Variants in PRSS23 observed in about 807,000 individuals in gnomAD.
PRSS23 encodes the protein serine protease 23, also known as protease, serine 23.
Under a neutral mutation model 34.7 loss-of-function variants are expected in PRSS23, and 25 were observed. The ratio of observed to expected loss-of-function variants is 0.72; its 90% CI spans 0.53 to 1.01. PRSS23 has a LOEUF of 1.01. PRSS23 is among the 50% of genes least tolerant of loss of function. The probability of loss-of-function intolerance (pLI) is 0.00; values close to 1 mark genes in which losing one functional copy is unlikely to be tolerated. For missense variants in PRSS23, 445 were observed against 475.6 expected, an observed-to-expected ratio of 0.94 and a Z score of 0.60; for synonymous variants, 176 against 186.6, an observed-to-expected ratio of 0.94 and a Z score of 0.46.
At chr11:86,864,585 G>A (rs115006780) in intron 2 of PRSS23, among the ~76,000 whole-genome samples, 134 of 152,318 alleles carry the variant, frequency 8.8e-4, no homozygotes, top group African/African-American at 3.1e-3. Context: ...TCATCATCTG[G>A]CAATTAGCAA....
chr11:86,894,982 A>G (rs1049365553), intron 2 of PRSS23, among the ~76,000 whole-genome samples: 1 of 152,204 alleles, frequency 6.6e-6, no homozygotes, highest in East Asian at 1.9e-4. Flanking sequence ...AGCCAAAGAA[A>G]GGATCTAGTA....
At chr11:86,831,473 G>T (rs566470677) in intron 2 of PRSS23, among the ~76,000 whole-genome samples, 5 of 151,842 alleles carry the variant, frequency 3.3e-5, no homozygotes, top group Admixed American at 2.6e-4. Flanking sequence ...ATAGTTTTGG[G>T]GGATGTTACT....
chr11:86,879,933 G>A (rs1298065073), intron 2 of PRSS23, among the ~76,000 whole-genome samples: 7 of 149,682 alleles, frequency 4.7e-5, no homozygotes, highest in Non-Finnish European at 1.0e-4. Flanking sequence ...CCACCACCCC[G>A]TCTGGGAGGT....
At chr11:86,888,902 C>G (rs1028085576) in intron 2 of PRSS23, among the ~76,000 whole-genome samples, 2 of 152,160 alleles carry the variant, frequency 1.3e-5, no homozygotes, top group Non-Finnish European at 2.9e-5. Flanking sequence ...CAAGTTTGCC[C>G]CTGGGAACTT....
At chr11:86,823,187 T>A in intron 1 of PRSS23, 1 of 592,152 alleles carries the variant, frequency 1.7e-6, no homozygotes, top group Non-Finnish European at 3.0e-6. Flanking sequence ...GGATGATACA[T>A]ACAATTTATT....
At chr11:86,824,643 C>T in intron 2 of PRSS23, among the ~76,000 whole-genome samples, 1 of 118,852 alleles carries the variant, frequency 8.4e-6, no homozygotes, top group South Asian at 3.0e-4. Flanking sequence ...CCCCACCCCA[C>T]AACAGTCCCC....
intron 2 of PRSS23, among the ~76,000 whole-genome samples, chr11:86,879,305 C>T (rs111468194): frequency 0.049 from 7,180 of 147,320 alleles, 282 homozygotes; most frequent in Non-Finnish European, 0.072. Flanking sequence ...AGCGTCTCTG[C>T]CCAGCCGCCC....
At chr11:86,846,704 C>G (rs1337481109) in intron 2 of PRSS23, among the ~76,000 whole-genome samples, 1 of 152,194 alleles carries the variant, frequency 6.6e-6, no homozygotes, top group East Asian at 1.9e-4. Flanking sequence ...ATCTTGTAAG[C>G]AAGGTTATTC....
At chr11:86,865,223 C>G (rs1948641930) in intron 2 of PRSS23, among the ~76,000 whole-genome samples, 1 of 152,162 alleles carries the variant, frequency 6.6e-6, no homozygotes, top group African/African-American at 2.4e-5. Flanking sequence ...GGCTTTGGAG[C>G]CAGGCAAGTT....
Position 86,816,246 on chromosome 11 carries a change from C to A in PRSS23, c.-11-7131C>A, listed in dbSNP as rs1407093950. 3.3e-5 allele frequency among the ~76,000 whole-genome samples: 5 copies of A among 152,314 alleles called. No homozygotes were observed. In the East Asian group the frequency reaches 5.8e-4, roughly 18 times the overall value. ...ATTCAGTTATTCATTCAGCAAATGT[C>A]CTCAAGCCCACCTCGGTGCCAGTCA... On this transcript the variant is annotated intron_variant, in intron 1 of 2. Transcript: ENST00000533902.
At chr11:86,887,590 A>G (rs528534096) in intron 2 of PRSS23, among the ~76,000 whole-genome samples, 2 of 152,324 alleles carry the variant, frequency 1.3e-5, no homozygotes, top group Non-Finnish European at 1.5e-5. Flanking sequence ...CCTGATGCCC[A>G]CTGTGAAAGA....
chr11:86,920,481 A>T (rs1685078556), intron 2 of PRSS23, among the ~76,000 whole-genome samples: 1 of 152,258 alleles, frequency 6.6e-6, no homozygotes, highest in South Asian at 2.1e-4. Context: ...CTTATGGCAG[A>T]TAATGTGTAC....
At chr11:86,800,462 G>A, upstream of PRSS23, 1 of 983,954 alleles carries the variant, frequency 1.0e-6, no homozygotes, top group East Asian at 1.1e-4. Context: ...GCTTCCCCGA[G>A]GCCGGAGGCG....
exon 2 of PRSS23, chr11:86,823,478 A>G (rs1948269508): frequency 1.4e-6 from 1 of 702,510 alleles, no homozygotes; most frequent in Non-Finnish European, 2.6e-6. Context: ...TTCGAATTCA[A>G]TTCAACCACC....
At chr11:86,880,439 CAATAAAAAA>C (rs902718231) in intron 2 of PRSS23, among the ~76,000 whole-genome samples, 177 of 149,002 alleles carry the variant, frequency 1.2e-3, no homozygotes, top group Middle Eastern at 3.4e-3. Flanking sequence ...CAAGAATGAT[CAATAAAAAA>C]AATAAAAAAA....
At position 86,835,468 on chromosome 11, in the gene PRSS23, T is replaced by G. The variant is rs186820192; in HGVS notation, c.206+11875T>G. The stretch of plus-strand genomic sequence containing the variant: ...CGTTGGCAAGCTTAACACTGGGGCT[T>G]GGGTTAGGGCCCTCTTTAGGGCCTG... On this transcript the variant is annotated intron_variant, in intron 2 of 2. Coordinates refer to the PRSS23 transcript ENST00000533902. Among the ~76,000 whole-genome samples the G allele has an allele frequency of 3.3e-5, 5 of 152,296 alleles. No individual in the cohort carries two copies. In the East Asian group the frequency reaches 9.6e-4, roughly 29 times the overall value.
intron 2 of PRSS23, among the ~76,000 whole-genome samples, chr11:86,854,916 C>T (rs1015211078): frequency 6.6e-6 from 1 of 152,092 alleles, no homozygotes; most frequent in Non-Finnish European, 1.5e-5. Context: ...CCTGTAATCC[C>T]AGCACTTTGA....
In PRSS23 at chr11:86,904,055, T is replaced by C. The variant is rs184812345; in HGVS notation, c.207-47161T>C. On this transcript the variant is annotated intron_variant, in intron 2 of 2. Coordinates refer to the PRSS23 transcript ENST00000533902. ...AAATAAATCTAAAACCTTCTCACTA[T>C]GGCTGGAATGAGGTAAATCAGGGAT... Among the ~76,000 whole-genome samples, 236 of 152,258 alleles carry C rather than the reference T, an allele frequency of 1.5e-3. 3 individuals are homozygous for C. Among genetic ancestry groups the C allele is most frequent in the Middle Eastern group, 0.014 (4 of 294 alleles).
chr11:86,943,648 GA>G (rs921582410), intron 2 of PRSS23, among the ~76,000 whole-genome samples: 11 of 151,660 alleles, frequency 7.3e-5, no homozygotes, highest in East Asian at 3.9e-4. Context: ...AAATAAAATA[GA>G]AAAAAAATAG....
Sources: gnomAD v4.1 joint callset for allele counts (sites outside exome capture counted in the v4.1 genomes callset) on GRCh38, gnomAD v4.1.1 for gene constraint, MANE v1.5 for transcripts, NCBI Gene and HGNC (gene_info 2026-07-23, HGNC 2026-07-21) for gene names.